Variants in CELF2 observed in about 807,000 individuals in gnomAD.
CELF2 encodes CUG triplet repeat RNA-binding protein 2.
Under a neutral mutation model 62.6 loss-of-function variants are expected in CELF2, and 8 were observed. The ratio of observed to expected loss-of-function variants is 0.13; its 90% confidence interval spans 0.07 to 0.23. CELF2 has a LOEUF of 0.23. Ranked by LOEUF, CELF2 falls within the 10% of genes least tolerant of loss-of-function variation. The pLI is 1.00. For missense variants in CELF2, 333 were observed against 671.0 expected, an observed-to-expected ratio of 0.50 and a Z score of 5.56; for synonymous variants, 258 against 250.0, an observed-to-expected ratio of 1.03 and a Z score of -0.30.
intron 1 of CELF2, among the ~76,000 whole-genome samples, chr10:11,119,927 C>CGTTT (rs1456398360): frequency 1.5e-5 from 2 of 132,064 alleles, no homozygotes; most frequent in Admixed American, 1.8e-4. Flanking sequence ...TAGAATTCAT[C>CGTTT]GTTTCATAGG....
chr10:10,623,113 A>C, the CELF2 span, among the ~76,000 whole-genome samples: 1 of 131,432 alleles, frequency 7.6e-6, no homozygotes, highest in African/African-American at 2.6e-5. Flanking sequence ...AAAAAAAAAA[A>C]AAAAAAAAAT....
chr10:10,819,441 A>T (rs1334363363), intron 1 of CELF2, among the ~76,000 whole-genome samples: 1 of 152,138 alleles, frequency 6.6e-6, no homozygotes, highest in African/African-American at 2.4e-5. Context: ...TGTTTTTGCC[A>T]GGGTTACCAA....
chr10:11,048,966 GGATACTGCATTCATGTATTAGAAGCCA>G (rs2063364979), intron 1 of CELF2, among the ~76,000 whole-genome samples: 1 of 152,096 alleles, frequency 6.6e-6, no homozygotes, highest in African/African-American at 2.4e-5. Flanking sequence ...CTTTGTCTCT[GGATACTGCATTCATGTATTAGAAGCCA>G]GAGGAGCTTC....
chr10:11,100,671 A>T (rs1337418150), intron 1 of CELF2, among the ~76,000 whole-genome samples: 3 of 152,150 alleles, frequency 2.0e-5, no homozygotes, highest in Non-Finnish European at 2.9e-5. Context: ...TGAATGAAAT[A>T]ATGTGCAGGG....
intron 1 of CELF2, among the ~76,000 whole-genome samples, chr10:10,879,872 C>G (rs2061342879): frequency 6.6e-6 from 1 of 152,196 alleles, no homozygotes; most frequent in Non-Finnish European, 1.5e-5. Flanking sequence ...TCTGAACCTT[C>G]TTGTCTAGTC....
At position 11,290,344 on chromosome 10, in the gene CELF2, G is replaced by A. The variant is rs147567436; in HGVS notation, c.976+1792G>A. 2.3e-4 allele frequency among the ~76,000 whole-genome samples: 35 copies of A among 152,272 alleles called. No homozygotes were observed. Among genetic ancestry groups the A allele is most frequent in the East Asian group, 1.2e-3 (6 of 5,184 alleles). On this transcript the variant is annotated intron_variant, in intron 9 of 12. Coordinates refer to ENST00000633077, the MANE Select transcript of CELF2 (RefSeq NM_001326342.2). The surrounding 1 kb of genome is among the most constrained non-coding windows in gnomAD (Gnocchi z 4.3). Reference sequence around the variant, plus strand: ...AGTTCCGTGACGGAAGCCATGGCGCGTGTTGAGGCAGAGGACAGAGCCAGT... The same window carrying A: ...AGTTCCGTGACGGAAGCCATGGCGCATGTTGAGGCAGAGGACAGAGCCAGT...
chr10:10,547,578 C>A, the CELF2 span, among the ~76,000 whole-genome samples: 1 of 152,104 alleles, frequency 6.6e-6, no homozygotes, highest in Non-Finnish European at 1.5e-5. Flanking sequence ...GTCACCTACC[C>A]TCATGTGAGC....
At chr10:10,776,955 C>T in the CELF2 span, among the ~76,000 whole-genome samples, 9 of 152,362 alleles carry the variant, frequency 5.9e-5, no homozygotes, top group Admixed American at 3.9e-4. Flanking sequence ...CTTGGCTATG[C>T]CATTCGGCCA....
intron 1 of CELF2, among the ~76,000 whole-genome samples, chr10:11,096,057 C>T (rs1385853594): frequency 2.0e-5 from 3 of 152,160 alleles, no homozygotes; most frequent in East Asian, 1.9e-4. Context: ...TACTGATACC[C>T]GATTTTGCAA....
At chr10:10,791,974 C>A in the CELF2 span, among the ~76,000 whole-genome samples, 2 of 124,674 alleles carry the variant, frequency 1.6e-5, no homozygotes, top group Admixed American at 1.8e-4. Context: ...GGAAGGGAAT[C>A]GAAGGGAGAA....
At chr10:10,795,918 G>A (rs1264017440), upstream of CELF2, among the ~76,000 whole-genome samples, 6 of 151,914 alleles carry the variant, frequency 3.9e-5, no homozygotes, top group Non-Finnish European at 2.9e-5. Flanking sequence ...TGAGACTCAG[G>A]GATTCCTCTT....
At chr10:10,912,262 C>G (rs927563075) in intron 1 of CELF2, among the ~76,000 whole-genome samples, 3 of 152,216 alleles carry the variant, frequency 2.0e-5, no homozygotes, top group African/African-American at 7.2e-5. Flanking sequence ...CCTGCTTTTA[C>G]TTTCTACCCC....
At chr10:10,733,313 A>G in the CELF2 span, among the ~76,000 whole-genome samples, 2 of 152,214 alleles carry the variant, frequency 1.3e-5, no homozygotes, top group African/African-American at 2.4e-5. Context: ...GTAGAAAATT[A>G]CATTTTTTTC....
the CELF2 span, among the ~76,000 whole-genome samples, chr10:10,739,567 C>A: frequency 6.6e-6 from 1 of 152,154 alleles, no homozygotes; most frequent in African/African-American, 2.4e-5. Context: ...AGGATCAAAG[C>A]TGGAAAATTA....
intron 1 of CELF2, among the ~76,000 whole-genome samples, chr10:11,024,439 A>C (rs750388824): frequency 2.3e-4 from 35 of 152,156 alleles, no homozygotes; most frequent in Non-Finnish European, 4.7e-4. Flanking sequence ...TGTGTCTACT[A>C]AAAATACAAA....
At chr10:10,754,061 GTTT>G in the CELF2 span, among the ~76,000 whole-genome samples, 50 of 85,046 alleles carry the variant, frequency 5.9e-4, no homozygotes, top group South Asian at 1.9e-3. Flanking sequence ...TGCTGAGGTG[GTTT>G]TTTTTTTTTT....
chr10:10,577,580 A>G, the CELF2 span, among the ~76,000 whole-genome samples: 1 of 150,188 alleles, frequency 6.7e-6, no homozygotes, highest in Non-Finnish European at 1.5e-5. Context: ...TCATTGTTCA[A>G]TTCCCACCTA....
rs1429078710 is a variant in CELF2, at chr10:11,329,868, G to A, written c.*815G>A. 1 of 152,006 alleles carries A rather than the reference G, an allele frequency of 6.6e-6. No individual in the cohort carries two copies. Among genetic ancestry groups the A allele is most frequent in the African/African-American group, 2.4e-5 (1 of 41,332 alleles). 9.4% of individuals were successfully genotyped at this position (152,006 alleles called of 1,614,324 possible). ...AATACATAAATACATAAATAAAAAA[G>A]AAAGCCACAGGCCTGTAAATTTTAT... On this transcript the variant is annotated 3_prime_UTR_variant, in exon 13 of 13. Coordinates refer to ENST00000633077, the MANE Select transcript of CELF2 (RefSeq NM_001326342.2). The surrounding 1 kb of genome is among the most constrained non-coding windows in gnomAD (Gnocchi z 5.5).
chr10:11,061,710 C>A (rs117382121), intron 1 of CELF2, among the ~76,000 whole-genome samples: 1 of 152,196 alleles, frequency 6.6e-6, no homozygotes, highest in Non-Finnish European at 1.5e-5. Flanking sequence ...AATCCTTGGG[C>A]CCTTAAGAAT....
Sources: gnomAD v4.1 joint callset for allele counts (sites outside exome capture counted in the v4.1 genomes callset) on GRCh38, gnomAD v4.1.1 for gene constraint, Gnocchi (gnomAD v3.1) non-coding constraint, MANE v1.5 for transcripts, NCBI Gene and HGNC (gene_info 2026-07-23, HGNC 2026-07-21) for gene names.